NPAS3: variants seen among roughly 807,000 people sequenced by gnomAD.
NPAS3 encodes neuronal PAS domain protein 3.
NPAS3 carries 14 observed loss-of-function variants against 73.1 expected under a neutral mutation model. That is an observed-to-expected ratio of 0.19 (90% confidence interval 0.13 to 0.30). NPAS3 has a LOEUF of 0.30. Ranked by LOEUF, NPAS3 falls within the 10% of genes least tolerant of loss-of-function variation. The pLI is 1.00. For synonymous variants in NPAS3, 620 were observed against 541.5 expected (o/e 1.14, Z -2.01); for missense variants, 1,096 against 1,250.0 (o/e 0.88, Z 1.86).
chr14:33,429,327 A>C (rs1437885163), intron 4 of NPAS3, among the ~76,000 whole-genome samples: 1 of 152,142 alleles, frequency 6.6e-6, no homozygotes, highest in Non-Finnish European at 1.5e-5. Flanking sequence ...ACTTAAATCC[A>C]GGATGGTGGT....
At chr14:33,644,438 G>T (rs2140199690) in intron 5 of NPAS3, among the ~76,000 whole-genome samples, 3 of 152,308 alleles carry the variant, frequency 2.0e-5, no homozygotes, top group African/African-American at 7.2e-5. Context: ...TTCTCATTTG[G>T]CCAGCCATTG....
intron 3 of NPAS3, among the ~76,000 whole-genome samples, chr14:33,229,454 A>G (rs1483913577): frequency 6.6e-6 from 1 of 152,164 alleles, no homozygotes; most frequent in African/African-American, 2.4e-5. Context: ...CAAGCCTGCT[A>G]CTGAGGCAGG....
rs181006801 is a variant in NPAS3 at position 33,195,923 on chromosome 14, C to T, written c.141-19259C>T. Among the ~76,000 whole-genome samples the T allele has an allele frequency of 6.0e-4, 92 of 152,252 alleles. 1 individual carries two copies. Among genetic ancestry groups the T allele is most frequent in the African/African-American group, 1.4e-3 (60 of 41,542 alleles). The stretch of plus-strand genomic sequence containing the variant: ...GTAAATGGGAAATAACTTTAATGTA[C>T]GCCAGACACACGACCAGTAGTTCCA... On this transcript the variant is annotated intron_variant, in intron 2 of 11. Coordinates refer to ENST00000356141, the Ensembl canonical transcript of NPAS3.
intron 5 of NPAS3, among the ~76,000 whole-genome samples, chr14:33,607,861 A>G (rs1018427246): frequency 2.0e-5 from 3 of 152,176 alleles, no homozygotes; most frequent in African/African-American, 7.2e-5. Context: ...TTCACGTGGC[A>G]GCTGCAAGAA....
chr14:33,665,697 A>T (rs570679923), intron 5 of NPAS3, among the ~76,000 whole-genome samples: 1 of 152,224 alleles, frequency 6.6e-6, no homozygotes, highest in Admixed American at 6.5e-5. Flanking sequence ...TAAAAAGTTG[A>T]CATTCAAACC....
intron 3 of NPAS3, among the ~76,000 whole-genome samples, chr14:33,274,593 C>A (rs1242987110): frequency 6.6e-6 from 1 of 152,146 alleles, no homozygotes; most frequent in Non-Finnish European, 1.5e-5. Context: ...CACTTCATAA[C>A]TAGCCTCCTT....
At chr14:33,724,423 C>T (rs1027654026) in intron 6 of NPAS3, among the ~76,000 whole-genome samples, 1 of 152,110 alleles carries the variant, frequency 6.6e-6, no homozygotes, top group African/African-American at 2.4e-5. Flanking sequence ...CCCTTGAGCC[C>T]AGGAGTTCAA....
At chr14:33,566,562 C>A (rs2055954504) in intron 5 of NPAS3, among the ~76,000 whole-genome samples, 1 of 152,056 alleles carries the variant, frequency 6.6e-6, no homozygotes, top group Non-Finnish European at 1.5e-5. Flanking sequence ...TGTTGAAGCT[C>A]CTAATGCCTT....
chr14:33,228,002 G>A (rs1347457164), intron 3 of NPAS3, among the ~76,000 whole-genome samples: 8 of 152,086 alleles, frequency 5.3e-5, no homozygotes, highest in Admixed American at 4.6e-4. Context: ...GAAAAAAATG[G>A]CATAGTTGGA....
At position 33,800,598 on chromosome 14, in the gene NPAS3, G is replaced by A. The variant is rs1368951321; in HGVS notation, c.2291G>A (p.Gly764Asp). ...CGGGACAAGCACCCCGGGAACGGCG[G>A]CGGGGGCGGGGGCGGGGGCGGCGGC... The change falls in exon 12 of 12, where the codon GGC (glycine) becomes GAC (aspartate). Residue 764 changes from glycine (G) to aspartate (D), a missense_variant. Gly to Asp is a moderately conservative substitution (Grantham distance 94). Around this residue, in one of 5 missense-constraint regions of NPAS3, gnomAD observed 698 missense variants for 676.7 expected, o/e 1.03. Transcript: ENST00000356141. This position sits in a 1 kb window ranked among gnomAD's most constrained non-coding sequence, Gnocchi z 6.5. 63 of 1,288,154 alleles carry A rather than the reference G, an allele frequency of 4.9e-5. 1 individual carries two copies. The highest frequency in any genetic ancestry group is 6.8e-6 in the Non-Finnish European group (7 of 1,023,120). 79.8% of individuals were successfully genotyped at this position (1,288,154 alleles called of 1,614,324 possible).
At position 33,207,672 on chromosome 14, in the gene NPAS3, C is replaced by T. The variant is rs151081460; in HGVS notation, c.141-7510C>T. Among the ~76,000 whole-genome samples the T allele has an allele frequency of 3.8e-4, 58 of 152,294 alleles. 1 individual carries two copies. The East Asian group carries it at 9.5e-3, about 25-fold the overall frequency. ...ACAAACATCCATTGTTAGGACAATGCTCTCAGACAGAATTTATGAGAAATG... is the reference window on the plus strand; with the variant it reads ...ACAAACATCCATTGTTAGGACAATGTTCTCAGACAGAATTTATGAGAAATG... On this transcript the variant is annotated intron_variant, in intron 2 of 11. Coordinates refer to ENST00000356141, the Ensembl canonical transcript of NPAS3.
chr14:33,356,367 G>A (rs1327124215), intron 3 of NPAS3, among the ~76,000 whole-genome samples: 8 of 152,190 alleles, frequency 5.3e-5, no homozygotes, highest in Non-Finnish European at 1.0e-4. Flanking sequence ...CACTTCATTT[G>A]CAAACCTTCA....
chr14:33,141,673 A>C (rs1199140915), intron 2 of NPAS3, among the ~76,000 whole-genome samples: 1 of 152,188 alleles, frequency 6.6e-6, no homozygotes, highest in Non-Finnish European at 1.5e-5. Context: ...ATAATCCTCT[A>C]TGATTAGATA....
chr14:33,296,806 T>C (rs1424455317), intron 3 of NPAS3, among the ~76,000 whole-genome samples: 1 of 152,068 alleles, frequency 6.6e-6, no homozygotes, highest in Non-Finnish European at 1.5e-5. Context: ...CCGGGTAAAA[T>C]TATGTTTGTT....
At chr14:33,602,884 C>G (rs559010980) in intron 5 of NPAS3, among the ~76,000 whole-genome samples, 1 of 152,214 alleles carries the variant, frequency 6.6e-6, no homozygotes, top group East Asian at 1.9e-4. Context: ...CCAAAAGGAT[C>G]AAAATACCTC....
At chr14:32,936,620 G>A (rs1174989881), upstream of NPAS3, among the ~76,000 whole-genome samples, 1 of 152,182 alleles carries the variant, frequency 6.6e-6, no homozygotes, top group Non-Finnish European at 1.5e-5. Context: ...TCAAGGGTCA[G>A]AAATGTCAGA....
intron 1 of NPAS3, among the ~76,000 whole-genome samples, chr14:33,040,222 T>C (rs1490177219): frequency 6.6e-6 from 1 of 152,172 alleles, no homozygotes; most frequent in Non-Finnish European, 1.5e-5. Context: ...TCATTTTAGC[T>C]GTTTTCAAGA....
intron 3 of NPAS3, among the ~76,000 whole-genome samples, chr14:33,268,749 A>G (rs1030727924): frequency 6.6e-6 from 1 of 152,166 alleles, no homozygotes; most frequent in African/African-American, 2.4e-5. Context: ...TTTCCATGCC[A>G]GTCTAGGTCA....
At chr14:32,967,785 A>AAAAAAT (rs1350581107) in intron 1 of NPAS3, among the ~76,000 whole-genome samples, 1 of 151,242 alleles carries the variant, frequency 6.6e-6, no homozygotes, top group Non-Finnish European at 1.5e-5. Flanking sequence ...GGGGGGTCCT[A>AAAAAAT]AAAAATAAAA....
Sources: allele counts gnomAD v4.1 joint callset (sites outside exome capture counted in the v4.1 genomes callset), GRCh38; gene constraint gnomAD v4.1.1; regional missense constraint gnomAD v4.1.1; non-coding constraint Gnocchi (gnomAD v3.1); transcripts MANE v1.5; gene names NCBI Gene and HGNC (gene_info 2026-07-23, HGNC 2026-07-21).